The following RGS12 variants were observed in gnomAD, a reference collection of about 807,000 sequenced individuals.
RGS12 encodes the protein regulator of G-protein signaling 12.
In RGS12, 66 loss-of-function variants were observed where a neutral mutation model predicts 120.1. The observed-to-expected ratio is 0.55, with a 90% CI of 0.45 to 0.67. The LOEUF (loss-of-function observed/expected upper bound fraction) is 0.67, where lower values mean the gene tolerates loss of function less well. Ranked by LOEUF, RGS12 falls within the 30% of genes least tolerant of loss-of-function variation. The pLI is 0.00. For synonymous variants in RGS12, 827 were observed against 804.7 expected, an observed-to-expected ratio of 1.03 and a Z score of -0.47; for missense variants, 1,859 against 1,957.7, an observed-to-expected ratio of 0.95 and a Z score of 0.95.
At chr4:3,364,770 G>A (rs1048301067) in intron 3 of RGS12, among the ~76,000 whole-genome samples, 7 of 152,046 alleles carry the variant, frequency 4.6e-5, no homozygotes, top group African/African-American at 1.7e-4. Flanking sequence ...GAGGGCGACT[G>A]CCCTGTGTGT....
intron 3 of RGS12, among the ~76,000 whole-genome samples, chr4:3,362,018 C>A (rs989208364): frequency 2.6e-5 from 4 of 152,190 alleles, no homozygotes; most frequent in Non-Finnish European, 5.9e-5. Context: ...TAGCGCTCCC[C>A]CTCGTCACCC....
At chr4:3,424,806 G>A (rs1723437434) in intron 13 of RGS12, among the ~76,000 whole-genome samples, 1 of 152,228 alleles carries the variant, frequency 6.6e-6, no homozygotes, top group South Asian at 2.1e-4. Context: ...GGTGGAGAAG[G>A]CGGGACCTGG....
intron 3 of RGS12, among the ~76,000 whole-genome samples, chr4:3,362,001 C>T (rs1715610350): frequency 6.6e-6 from 1 of 152,206 alleles, no homozygotes; most frequent in African/African-American, 2.4e-5. Flanking sequence ...AGCCAGGAGC[C>T]AGCGTGTAGC....
At chr4:3,319,039 G>A (rs1348857958) in intron 2 of RGS12, among the ~76,000 whole-genome samples, 1 of 152,212 alleles carries the variant, frequency 6.6e-6, no homozygotes, top group Non-Finnish European at 1.5e-5. Flanking sequence ...GCAGGGCCGG[G>A]GAGTAGGAAA....
At chr4:3,309,140 CA>C (rs1724150258) in intron 1 of RGS12, among the ~76,000 whole-genome samples, 1 of 69,242 alleles carries the variant, frequency 1.4e-5, no homozygotes, top group African/African-American at 6.8e-5. Context: ...TCGGGAATGG[CA>C]GGTGTCTGCT....
intron 1 of RGS12, among the ~76,000 whole-genome samples, chr4:3,297,793 G>A (rs774335399): frequency 1.2e-4 from 19 of 152,122 alleles, no homozygotes; most frequent in Admixed American, 3.9e-4. Flanking sequence ...TCCCGCTGCT[G>A]TCCTCCATCT....
At chr4:3,430,992 T>A in intron 17 of RGS12, 37 bp downstream of exon 17, 1 of 1,603,582 alleles carries the variant, frequency 6.2e-7, no homozygotes, top group Non-Finnish European at 8.5e-7. Flanking sequence ...CTTGGCCCCG[T>A]AAGCGTGGTC....
intron 3 of RGS12, among the ~76,000 whole-genome samples, chr4:3,347,028 A>T (rs1713860137): frequency 6.6e-6 from 1 of 152,216 alleles, no homozygotes; most frequent in South Asian, 2.1e-4. Flanking sequence ...TGCCATAAGA[A>T]TACATGTGAA....
At chr4:3,420,568 G>T in intron 9 of RGS12, 74 bp from the exon 10 acceptor site, 1 of 1,472,518 alleles carries the variant, frequency 6.8e-7, no homozygotes, top group East Asian at 2.3e-5. Flanking sequence ...GCCTAAAGGG[G>T]GCAGAGGGTT....
intron 4 of RGS12, among the ~76,000 whole-genome samples, chr4:3,387,404 G>A (rs371787566): frequency 3.9e-5 from 6 of 152,178 alleles, no homozygotes; most frequent in Non-Finnish European, 7.4e-5. Context: ...CAGAGCCCTC[G>A]CAGGCCAGCC....
intron 3 of RGS12, among the ~76,000 whole-genome samples, chr4:3,359,895 T>G (rs913564199): frequency 6.6e-6 from 1 of 152,122 alleles, no homozygotes; most frequent in African/African-American, 2.4e-5. Flanking sequence ...AGTGCTGGGA[T>G]TACAGGCATG....
chr4:3,297,249 A>C (rs1225360591), intron 1 of RGS12, among the ~76,000 whole-genome samples: 2 of 152,112 alleles, frequency 1.3e-5, no homozygotes, highest in African/African-American at 4.8e-5. Context: ...GTCCCTTAGC[A>C]GTGATCTTAG....
intron 3 of RGS12, among the ~76,000 whole-genome samples, chr4:3,358,940 TCCTCCCCCTCCCCTTCTTCCTCCTCCTCC>T (rs1308235623): frequency 1.1e-4 from 5 of 45,336 alleles, no homozygotes; most frequent in Admixed American, 8.4e-4. Flanking sequence ...CTCCTCCCCT[TCCTCCCCCTCCCCTTCTTCCTCCTCCTCC>T]CCTCCTCCCT....
At chr4:3,403,034 C>T (rs917403107) in intron 4 of RGS12, among the ~76,000 whole-genome samples, 4 of 152,182 alleles carry the variant, frequency 2.6e-5, no homozygotes, top group African/African-American at 4.8e-5. Context: ...ATAATTCACT[C>T]GTCTTTGCAC....
chr4:3,347,163 G>C (rs946517758), intron 3 of RGS12, among the ~76,000 whole-genome samples: 1 of 152,206 alleles, frequency 6.6e-6, no homozygotes, highest in Non-Finnish European at 1.5e-5. Flanking sequence ...ATAACGTTCT[G>C]GCCAGGCACG....
upstream of RGS12, among the ~76,000 whole-genome samples, chr4:3,291,735 T>C (rs748518725): frequency 2.6e-4 from 40 of 151,176 alleles, no homozygotes; most frequent in Non-Finnish European, 4.0e-4. Flanking sequence ...CTCTCTCTCT[T>C]TGTCTGGCTT....
intron 10 of RGS12, among the ~76,000 whole-genome samples, chr4:3,421,764 C>T (rs1723043367): frequency 6.6e-6 from 1 of 152,232 alleles, no homozygotes; most frequent in Non-Finnish European, 1.5e-5. Context: ...CCACCCAGGT[C>T]TGGGCTGGGG....
At chr4:3,347,187 A>G (rs1362438820) in intron 3 of RGS12, among the ~76,000 whole-genome samples, 2 of 152,142 alleles carry the variant, frequency 1.3e-5, no homozygotes, top group East Asian at 1.9e-4. Context: ...GCTCACGCCT[A>G]TAATCCCAGC....
At chr4:3,422,255 C>A in intron 10 of RGS12, 121 bp from the exon 11 acceptor site, 2 of 921,634 alleles carry the variant, frequency 2.2e-6, no homozygotes. Flanking sequence ...GCAGGTGGGA[C>A]CGTGGCAGGG....
Sources: gnomAD v4.1 joint callset for allele counts (sites outside exome capture counted in the v4.1 genomes callset) on GRCh38, gnomAD v4.1.1 for gene constraint, MANE v1.5 for transcripts, NCBI Gene and HGNC (gene_info 2026-07-23, HGNC 2026-07-21) for gene names.